The following NID2 variants were observed in gnomAD, a reference collection of about 807,000 sequenced individuals.
The protein encoded by NID2 is nidogen-2.
In NID2, 83 loss-of-function variants were observed where a neutral mutation model predicts 145.4. The ratio of observed to expected loss-of-function variants is 0.57; its 90% confidence interval spans 0.48 to 0.69. The LOEUF is 0.69. NID2 is among the 30% of genes least tolerant of loss of function. NID2 has a pLI of 0.00. For missense variants in NID2, 1,807 were observed against 1,765.7 expected (o/e 1.02, Z -0.42); for synonymous variants, 739 against 701.3 (o/e 1.05, Z -0.85).
intron 16 of NID2, among the ~76,000 whole-genome samples, chr14:52,012,923 G>T (rs1046455517): frequency 3.9e-5 from 6 of 152,096 alleles, no homozygotes; most frequent in African/African-American, 1.4e-4. Flanking sequence ...CTTCACTTAC[G>T]CCCCCTGGGA....
chr14:52,031,000 G>A (rs12894295), intron 9 of NID2, among the ~76,000 whole-genome samples: 6,792 of 152,300 alleles, frequency 0.045, 196 homozygotes, highest in Middle Eastern at 0.082. Context: ...CTGCATCACA[G>A]AGAGGCCAAA....
chr14:52,013,386 C>T (rs1891101851), intron 16 of NID2, among the ~76,000 whole-genome samples: 1 of 152,188 alleles, frequency 6.6e-6, no homozygotes, highest in African/African-American at 2.4e-5. Flanking sequence ...GGGGAGGGGA[C>T]AGGACCCAAC....
chr14:52,012,706 G>A (rs1024795685), intron 16 of NID2, among the ~76,000 whole-genome samples: 1 of 149,824 alleles, frequency 6.7e-6, no homozygotes, highest in African/African-American at 2.5e-5. Flanking sequence ...TAAATGACAA[G>A]TCTTTTAAAA....
chr14:52,017,453 G>A (rs1891251075), intron 14 of NID2, among the ~76,000 whole-genome samples: 1 of 152,054 alleles, frequency 6.6e-6, no homozygotes, highest in Non-Finnish European at 1.5e-5. Context: ...GAGAGTGTGG[G>A]CAGGAAAAAG....
chr14:52,031,412 G>A (rs1420970308), intron 9 of NID2, among the ~76,000 whole-genome samples: 1 of 152,044 alleles, frequency 6.6e-6, no homozygotes, highest in Non-Finnish European at 1.5e-5. Flanking sequence ...ATTATTTGAG[G>A]TTCTAGCTCA....
At chr14:52,040,604 A>G in intron 8 of NID2, 47 bp downstream of exon 8, 1 of 1,513,596 alleles carries the variant, frequency 6.6e-7, no homozygotes, top group African/African-American at 1.4e-5. Context: ...ATCTTGTGAG[A>G]TGGGCATAAT....
intron 20 of NID2, 187 bp downstream of exon 20, chr14:52,006,347 GGAT>G (rs1890781889): frequency 1.7e-6 from 1 of 595,494 alleles, no homozygotes; most frequent in Non-Finnish European, 2.9e-6. Flanking sequence ...TGAAGTAAAA[GGAT>G]GATTTCAAAA....
At chr14:52,031,111 A>G (rs540005014) in intron 9 of NID2, among the ~76,000 whole-genome samples, 1 of 152,264 alleles carries the variant, frequency 6.6e-6, no homozygotes, top group South Asian at 2.1e-4. Flanking sequence ...CTTTGCTGCA[A>G]CCCTCACTGA....
chr14:52,065,706 C>T (rs1191823287), intron 2 of NID2, among the ~76,000 whole-genome samples: 1 of 99,936 alleles, frequency 1.0e-5, no homozygotes, highest in Non-Finnish European at 1.8e-5. Flanking sequence ...TTCCTGTGTC[C>T]ATGTGATCTC....
chr14:52,040,084 G>A (rs1399543046), intron 8 of NID2, among the ~76,000 whole-genome samples: 1 of 152,138 alleles, frequency 6.6e-6, no homozygotes, highest in African/African-American at 2.4e-5. Flanking sequence ...GGGATCGCAG[G>A]AGCGTGCCAC....
intron 5 of NID2, among the ~76,000 whole-genome samples, chr14:52,049,077 G>A (rs1328145686): frequency 6.6e-6 from 1 of 152,190 alleles, no homozygotes; most frequent in Non-Finnish European, 1.5e-5. Context: ...GAGGGTGGAG[G>A]CTGGCCAGGT....
intron 7 of NID2, 120 bp downstream of exon 7, chr14:52,041,978 ACATGTGG>A (rs1892295398): frequency 9.2e-6 from 11 of 1,196,508 alleles, no homozygotes; most frequent in Non-Finnish European, 1.3e-5. Context: ...AAAACTACAC[ACATGTGG>A]CTCTAGTACA....
Position 52,030,552 on chromosome 14 carries a change from G to GA in NID2, c.2258-863dup, listed in dbSNP as rs1481177320. ...AGAAAGAAAGAAAGAAAGAAAGAAA[G>GA]AAAGAAAGAAAGAAAGGAAGGAAGG... On this transcript the variant is annotated intron_variant, in intron 9 of 21. Transcript: ENST00000216286. Among the ~76,000 whole-genome samples the GA allele has an allele frequency of 4.4e-3, 225 of 50,584 alleles. 2 individuals are homozygous for GA. Among genetic ancestry groups the GA allele is most frequent in the Middle Eastern group, 0.012 (1 of 84 alleles). The allele number at this position is 50,584 out of a possible 152,430, so 33.2% of individuals were successfully genotyped here.
At position 52,011,624 on chromosome 14, in the gene NID2, A is replaced by G. The variant is rs1182735260; in HGVS notation, c.3480T>C (p.Asp1160=). The change falls in exon 17 of 22, where the codon GAT becomes GAC. Residue 1160 remains aspartate, a synonymous_variant. Coordinates refer to ENST00000216286, the MANE Select transcript of NID2 (RefSeq NM_007361.4). The part of the protein sequence containing the change: ...DCRERMVYWT[D]VAGRTISRAG... Reference sequence around the variant, plus strand: ...CACGGCTGATTGTCCGTCCAGCAACATCTGTCCAGTACACCATCCTCTCCC... The same window carrying G: ...CACGGCTGATTGTCCGTCCAGCAACGTCTGTCCAGTACACCATCCTCTCCC... 3.1e-6 allele frequency: 5 copies of G among 1,614,204 alleles called. No individual in the cohort carries two copies. The highest frequency in any genetic ancestry group is 4.2e-6 in the Non-Finnish European group (5 of 1,180,030).
chr14:52,043,994 A>G (rs948594889), intron 5 of NID2, among the ~76,000 whole-genome samples: 1 of 152,142 alleles, frequency 6.6e-6, no homozygotes, highest in African/African-American at 2.4e-5. Context: ...GGATGCTGGC[A>G]TGAAGGAGGA....
chr14:52,062,947 T>C (rs1455633334), intron 2 of NID2, among the ~76,000 whole-genome samples: 1 of 152,218 alleles, frequency 6.6e-6, no homozygotes, highest in African/African-American at 2.4e-5. Context: ...TCCACCAAAA[T>C]AGGCAAATAT....
chr14:52,054,292 C>T lies in NID2; in HGVS notation c.797G>A (p.Trp266Ter). 6.2e-7 allele frequency: 1 copy of T among 1,614,054 alleles called. No homozygotes were observed. Among genetic ancestry groups the T allele is most frequent in the East Asian group, 2.2e-5 (1 of 44,872 alleles). Residue 266 changes from tryptophan to a stop codon, truncating the protein, a stop_gained, in exon 4 of 22, where the codon TGG becomes TAG. Transcript: ENST00000216286. LOFTEE classifies it high-confidence loss of function. ...QLSNLGIPGV[W>*]AFHIGSTSPL... Reference sequence around the variant, plus strand: ...GGAAGTGCTGCCGATATGGAAAGCCCACACTCCAGGGATCCCCAGGTTGCT... The same window carrying T: ...GGAAGTGCTGCCGATATGGAAAGCCTACACTCCAGGGATCCCCAGGTTGCT...
chr14:52,046,456 C>T (rs540435711), intron 5 of NID2, among the ~76,000 whole-genome samples: 1 of 152,166 alleles, frequency 6.6e-6, no homozygotes, highest in South Asian at 2.1e-4. Context: ...TTTTGTGAAG[C>T]CTTATTCTGC....
chr14:52,053,128 C>G (rs1484169525), intron 5 of NID2, among the ~76,000 whole-genome samples: 12 of 152,336 alleles, frequency 7.9e-5, no homozygotes, highest in Admixed American at 7.2e-4. Flanking sequence ...AAGGGAAGCG[C>G]TAGGCTTGTC....
Sources: gnomAD v4.1 joint callset for allele counts (sites outside exome capture counted in the v4.1 genomes callset) on GRCh38, gnomAD v4.1.1 for gene constraint, MANE v1.5 for transcripts, NCBI Gene and HGNC (gene_info 2026-07-23, HGNC 2026-07-21) for gene names.